ARL13B: variants seen among roughly 807,000 people sequenced by gnomAD.
The protein encoded by ARL13B is ADP-ribosylation factor-like protein 13B.
A neutral mutation model predicts 56.1 loss-of-function variants in ARL13B; 36 were observed. That is an observed-to-expected ratio of 0.64 (90% CI 0.49 to 0.85). ARL13B has a LOEUF of 0.85. ARL13B is among the 40% of genes least tolerant of loss of function. The pLI is 0.00. For missense variants in ARL13B, 519 were observed against 507.1 expected, an observed-to-expected ratio of 1.02 and a Z score of -0.23; for synonymous variants, 178 against 171.1, an observed-to-expected ratio of 1.04 and a Z score of -0.32.
intron 1 of ARL13B, among the ~76,000 whole-genome samples, chr3:93,983,726 A>G (rs772117148): frequency 1.6e-4 from 25 of 151,930 alleles, no homozygotes; most frequent in Non-Finnish European, 3.2e-4. Flanking sequence ...TTCTCTCAGC[A>G]GTTGTCCATT....
At position 94,055,490 on chromosome 3, in the gene ARL13B, A is replaced by G. The variant is rs1433468195; in HGVS notation, c.*2227A>G. The G allele has an allele frequency of 4.4e-6, 2 of 453,836 alleles. No individual in the cohort carries two copies. Among genetic ancestry groups the G allele is most frequent in the African/African-American group, 4.0e-5 (2 of 50,010 alleles). The allele number at this position is 453,836 out of a possible 1,614,324, so 28.1% of individuals were successfully genotyped here. ...TTTGTGATTTTAAATGCAGCTACAA[A>G]TAGCATTTCACCATATGATGTTAGA... On this transcript the variant is annotated 3_prime_UTR_variant, in exon 10 of 10. Transcript: ENST00000394222.
At chr3:94,023,011 C>T (rs1365553759) in intron 3 of ARL13B, among the ~76,000 whole-genome samples, 1 of 151,812 alleles carries the variant, frequency 6.6e-6, no homozygotes, top group Admixed American at 6.6e-5. Flanking sequence ...CCTGGAAACT[C>T]TAATGTAACC....
At chr3:94,026,513 T>C (rs2076561521) in intron 3 of ARL13B, among the ~76,000 whole-genome samples, 1 of 152,318 alleles carries the variant, frequency 6.6e-6, no homozygotes, top group African/African-American at 2.4e-5. Context: ...AGTTGCATAC[T>C]CATAACTATA....
intron 3 of ARL13B, among the ~76,000 whole-genome samples, chr3:94,024,953 A>T (rs1379976277): frequency 2.0e-5 from 3 of 152,168 alleles, no homozygotes; most frequent in African/African-American, 7.2e-5. Flanking sequence ...TAGTTTAAAA[A>T]TTTTTAAGAA....
chr3:94,053,967 A>G lies in ARL13B; in HGVS notation c.*704A>G, dbSNP rs905208376. On this transcript the variant is annotated 3_prime_UTR_variant, in exon 10 of 10. Coordinates refer to ENST00000394222, the MANE Select transcript of ARL13B (RefSeq NM_001174150.2). ...TAGATTCTCAGATCTTTATTCTAACAATTACATGATTTGAAAACAGTACTC... is the reference window on the plus strand; with the variant it reads ...TAGATTCTCAGATCTTTATTCTAACGATTACATGATTTGAAAACAGTACTC... 24 of 353,582 alleles carry G rather than the reference A, an allele frequency of 6.8e-5. No individual in the cohort carries two copies. The highest frequency in any genetic ancestry group is 4.9e-4 in the African/African-American group (23 of 46,516). The allele number at this position is 353,582 out of a possible 1,614,324, so 21.9% of individuals were successfully genotyped here. A position where few individuals can be genotyped will look rare whatever the true frequency, so the allele number is the denominator to read the frequency against.
At chr3:94,014,490 A>G in intron 3 of ARL13B, 1 of 1,610,654 alleles carries the variant, frequency 6.2e-7, no homozygotes, top group Non-Finnish European at 8.5e-7. Flanking sequence ...TATTGTTAAC[A>G]TACTCTTTTG....
chr3:94,030,075 T>C (rs1033032323), intron 3 of ARL13B, among the ~76,000 whole-genome samples: 1 of 152,072 alleles, frequency 6.6e-6, no homozygotes, highest in Admixed American at 6.6e-5. Context: ...CTTGTTTATA[T>C]TTTCAAAAAG....
At position 94,003,834 on chromosome 3, in the gene ARL13B, G is replaced by C. The variant is rs1351699536; in HGVS notation, c.306G>C (p.Glu102Asp). The C allele has an allele frequency of 1.2e-6, 2 of 1,613,714 alleles. No individual in the cohort carries two copies. The highest frequency in any genetic ancestry group is 2.2e-5 in the South Asian group (2 of 91,080). ...TTGTTGTGGATTCCAGTGATGAAGA[G>C]AGAATGGAAGAGACAAAAGAGGCTA... ...VIFVVDSSDE[E>D]RMEETKEAMS... The change falls in exon 3 of 10, where the codon GAG becomes GAC. Residue 102 changes from glutamate to aspartate, a missense_variant. By Grantham distance (45) the Glu-to-Asp change is conservative. Transcript: ENST00000394222.
At chr3:93,997,363 A>T (rs750546915) in intron 2 of ARL13B, among the ~76,000 whole-genome samples, 2 of 152,186 alleles carry the variant, frequency 1.3e-5, no homozygotes, top group Non-Finnish European at 2.9e-5. Context: ...TTGCAGTAAG[A>T]TATCATGCTT....
intron 5 of ARL13B, 151 bp from the exon 6 acceptor site, chr3:94,039,729 A>AT: frequency 1.6e-6 from 1 of 639,090 alleles, no homozygotes; most frequent in Non-Finnish European, 2.7e-6. Flanking sequence ...TCTTACCTGC[A>AT]TAAGGATTTT....
chr3:94,051,031 T>C (rs909993845), intron 9 of ARL13B, 139 bp downstream of exon 9: 1 of 703,198 alleles, frequency 1.4e-6, no homozygotes, highest in Non-Finnish European at 2.3e-6. Context: ...ATTATACGTC[T>C]TTTTTCATTT....
intron 3 of ARL13B, among the ~76,000 whole-genome samples, chr3:94,014,161 G>A (rs1378769793): frequency 6.6e-6 from 1 of 152,130 alleles, no homozygotes; most frequent in Non-Finnish European, 1.5e-5. Flanking sequence ...TGAGTTGATG[G>A]TAACTGTATT....
At chr3:93,984,044 A>G (rs1366014216) in intron 1 of ARL13B, among the ~76,000 whole-genome samples, 1 of 152,194 alleles carries the variant, frequency 6.6e-6, no homozygotes, top group Non-Finnish European at 1.5e-5. Context: ...TTAAAGTTAG[A>G]GGAAAGGAAA....
chr3:94,004,908 C>T (rs1193623030), intron 3 of ARL13B, among the ~76,000 whole-genome samples: 3 of 152,044 alleles, frequency 2.0e-5, no homozygotes, highest in Non-Finnish European at 4.4e-5. Flanking sequence ...GAGAACTTTG[C>T]AGAACCCCAT....
At chr3:93,981,255 C>T (rs1710200760) in intron 1 of ARL13B, among the ~76,000 whole-genome samples, 3 of 152,126 alleles carry the variant, frequency 2.0e-5, no homozygotes, top group Non-Finnish European at 4.4e-5. Flanking sequence ...GAAATTGATG[C>T]TTTTGAAACT....
intron 3 of ARL13B, chr3:94,015,102 T>G: frequency 6.2e-7 from 1 of 1,613,752 alleles, no homozygotes; most frequent in Non-Finnish European, 8.5e-7. Flanking sequence ...TTTCCTGTAG[T>G]TTTTGGATTT....
intron 1 of ARL13B, among the ~76,000 whole-genome samples, chr3:93,990,978 C>T (rs1209658891): frequency 1.3e-5 from 2 of 152,164 alleles, no homozygotes; most frequent in East Asian, 3.9e-4. Flanking sequence ...ATCCCATTAT[C>T]ATCTTACATA....
At chr3:94,044,934 C>T (rs1316680072) in intron 7 of ARL13B, among the ~76,000 whole-genome samples, 1 of 152,164 alleles carries the variant, frequency 6.6e-6, no homozygotes, top group Non-Finnish European at 1.5e-5. Context: ...GGAGGTGTAC[C>T]CAACAGCTCC....
chr3:94,015,900 G>A (rs919211138), intron 3 of ARL13B, among the ~76,000 whole-genome samples: 9 of 152,060 alleles, frequency 5.9e-5, no homozygotes, highest in African/African-American at 2.2e-4. Context: ...TGATTATGCT[G>A]ATTTCTCATT....
Sources: gnomAD v4.1 joint callset for allele counts (sites outside exome capture counted in the v4.1 genomes callset) on GRCh38, gnomAD v4.1.1 for gene constraint, MANE v1.5 for transcripts, NCBI Gene and HGNC (gene_info 2026-07-23, HGNC 2026-07-21) for gene names.